The following RBFOX1 variants were observed in gnomAD, a reference collection of about 807,000 sequenced individuals.
RBFOX1 encodes RNA binding fox-1 homolog 1.
Under a neutral mutation model 57.7 loss-of-function variants are expected in RBFOX1, and 8 were observed. The ratio of observed to expected loss-of-function variants is 0.14; its 90% CI spans 0.08 to 0.25. The LOEUF (loss-of-function observed/expected upper bound fraction) is 0.25. RBFOX1 is among the 10% of genes least tolerant of loss of function. RBFOX1 has a pLI of 1.00. For synonymous variants in RBFOX1, 326 were observed against 222.4 expected (o/e 1.47, Z -4.15); for missense variants, 611 against 548.5 (o/e 1.11, Z -1.14).
intron 4 of RBFOX1, among the ~76,000 whole-genome samples, chr16:7,465,672 A>G (rs1252828756): frequency 2.6e-5 from 4 of 152,216 alleles, no homozygotes; most frequent in African/African-American, 9.6e-5. Flanking sequence ...GTCTTAGAGT[A>G]TACCCTGGGG....
At position 6,527,413 on chromosome 16, in the gene RBFOX1, T is replaced by C. The variant is rs1022258688; in HGVS notation, c.-63-127190T>C. On this transcript the variant is annotated intron_variant, in intron 2 of 15. Transcript: ENST00000550418. The stretch of plus-strand genomic sequence containing the variant: ...ACAGGCTACTTCGTCCTTCCCCCCA[T>C]CACTTAATGTATTTTTGGGGCTTGG... 2.6e-5 allele frequency among the ~76,000 whole-genome samples: 4 copies of C among 152,138 alleles called. No homozygotes were observed. In the East Asian group the frequency reaches 5.8e-4, roughly 22 times the overall value.
chr16:5,757,766 G>A (rs1314274357), intron 3 of RBFOX1, among the ~76,000 whole-genome samples: 3 of 152,184 alleles, frequency 2.0e-5, no homozygotes, highest in African/African-American at 7.2e-5. Flanking sequence ...GCTTGAAAAG[G>A]TTAAGTAGAC....
chr16:5,570,669 G>C (rs1394578601), intron 2 of RBFOX1, among the ~76,000 whole-genome samples: 3 of 151,884 alleles, frequency 2.0e-5, no homozygotes, highest in African/African-American at 7.3e-5. Context: ...ATGAAACCTC[G>C]TCTCTACTAA....
intron 4 of RBFOX1, among the ~76,000 whole-genome samples, chr16:7,391,981 A>C (rs2098034974): frequency 6.6e-6 from 1 of 152,196 alleles, no homozygotes; most frequent in Admixed American, 6.5e-5. Flanking sequence ...TGCCCTTAGA[A>C]TACAAGCTCT....
chr16:5,894,008 G>C (rs1049081369), intron 4 of RBFOX1, among the ~76,000 whole-genome samples: 2 of 152,166 alleles, frequency 1.3e-5, no homozygotes, highest in African/African-American at 2.4e-5. Flanking sequence ...AAGGCTGAAA[G>C]CTGGGTCACC....
chr16:7,440,696 G>C (rs1173070816), intron 4 of RBFOX1, among the ~76,000 whole-genome samples: 1 of 152,174 alleles, frequency 6.6e-6, no homozygotes, highest in Non-Finnish European at 1.5e-5. Flanking sequence ...TACTGATAAA[G>C]TTGAGCTTTT....
chr16:6,175,933 C>A (rs932136994), intron 1 of RBFOX1, among the ~76,000 whole-genome samples: 5 of 152,126 alleles, frequency 3.3e-5, no homozygotes, highest in Non-Finnish European at 7.4e-5. Context: ...ATTCAGAAAG[C>A]TGCTGTTTGG....
chr16:5,314,275 C>G (rs928480238), intron 1 of RBFOX1, among the ~76,000 whole-genome samples: 3 of 152,176 alleles, frequency 2.0e-5, no homozygotes, highest in East Asian at 3.9e-4. Flanking sequence ...AGATAACCAG[C>G]CTTTGTGTGG....
chr16:6,401,419 A>G (rs934513051), intron 2 of RBFOX1, among the ~76,000 whole-genome samples: 2 of 152,250 alleles, frequency 1.3e-5, no homozygotes, highest in African/African-American at 2.4e-5. Context: ...ACCTGTGAAA[A>G]TGAGTTAGGG....
intron 3 of RBFOX1, among the ~76,000 whole-genome samples, chr16:6,668,588 G>A (rs966262974): frequency 2.6e-5 from 4 of 152,260 alleles, no homozygotes; most frequent in African/African-American, 7.2e-5. Flanking sequence ...CTAGGTGCTC[G>A]AGAAGCCTTC....
intron 13 of RBFOX1, chr16:7,671,638 A>G: frequency 6.4e-7 from 1 of 1,573,216 alleles, no homozygotes; most frequent in Non-Finnish European, 8.7e-7. Flanking sequence ...CATCACTATG[A>G]TTGTGGGTTT....
chr16:6,073,044 C>G (rs73523835), intron 1 of RBFOX1, among the ~76,000 whole-genome samples: 1 of 152,184 alleles, frequency 6.6e-6, no homozygotes, highest in Admixed American at 6.5e-5. Flanking sequence ...GGACATATCT[C>G]AGACACATTT....
At chr16:5,325,692 C>G (rs769408893) in intron 1 of RBFOX1, among the ~76,000 whole-genome samples, 2 of 152,150 alleles carry the variant, frequency 1.3e-5, no homozygotes, top group Admixed American at 6.5e-5. Context: ...AGTATGCAAC[C>G]TTTTCAGACT....
rs191016584 is a variant in RBFOX1, at chr16:7,709,142, G to C, written c.1071+11G>C. On this transcript the variant is annotated intron_variant, in intron 15 of 15. Coordinates refer to ENST00000550418, the MANE Select transcript of RBFOX1 (RefSeq NM_018723.4). Reference sequence around the variant, plus strand: ...GGCGTTGGTGCCATGGTGAGTACAAGTTTCTCCTTGTCCTCACTTCCTCCT... The same window carrying C: ...GGCGTTGGTGCCATGGTGAGTACAACTTTCTCCTTGTCCTCACTTCCTCCT... The C allele has an allele frequency of 5.9e-5, 95 of 1,604,398 alleles. No individual in the cohort carries two copies. The African/African-American group carries it at 1.1e-3, about 18-fold the overall frequency.
chr16:6,053,240 C>T (rs1355771419), intron 1 of RBFOX1, among the ~76,000 whole-genome samples: 1 of 152,120 alleles, frequency 6.6e-6, no homozygotes, highest in Non-Finnish European at 1.5e-5. Flanking sequence ...TGCATCTTAG[C>T]TGGAAACAAT....
In RBFOX1 at chr16:6,993,738, C is replaced by T. The variant is rs750486755; in HGVS notation, c.-15-58319C>T. On this transcript the variant is annotated intron_variant, in intron 3 of 15. Transcript: ENST00000550418. ...AATTTGCGTGTGTTTGGCAGCAGCCCAGCTCCATGGGCATGGGGCAGGGGA... is the reference window on the plus strand; with the variant it reads ...AATTTGCGTGTGTTTGGCAGCAGCCTAGCTCCATGGGCATGGGGCAGGGGA... Among the ~76,000 whole-genome samples the T allele has an allele frequency of 6.4e-4, 97 of 152,124 alleles. 4 individuals carry two copies. The highest frequency in any genetic ancestry group is 2.6e-4 in the Non-Finnish European group (18 of 68,022).
chr16:6,431,705 G>A (rs930455111), intron 2 of RBFOX1, among the ~76,000 whole-genome samples: 3 of 152,056 alleles, frequency 2.0e-5, no homozygotes, highest in African/African-American at 7.2e-5. Context: ...GCCATCACAG[G>A]ATTTTGAACT....
chr16:7,679,801 C>G (rs1426765136), intron 14 of RBFOX1, among the ~76,000 whole-genome samples: 2 of 151,928 alleles, frequency 1.3e-5, no homozygotes, highest in Non-Finnish European at 2.9e-5. Flanking sequence ...GAATGTTGAC[C>G]TCCAGAAAGA....
chr16:5,732,523 G>T (rs1264072682), intron 3 of RBFOX1, among the ~76,000 whole-genome samples: 1 of 152,178 alleles, frequency 6.6e-6, no homozygotes, highest in African/African-American at 2.4e-5. Flanking sequence ...GCAAGACATA[G>T]GGGAGAGGCA....
Sources: allele counts gnomAD v4.1 joint callset (sites outside exome capture counted in the v4.1 genomes callset), GRCh38; gene constraint gnomAD v4.1.1; transcripts MANE v1.5; gene names NCBI Gene and HGNC (gene_info 2026-07-23, HGNC 2026-07-21).